The following PRKN variants were observed in gnomAD, a reference collection of about 807,000 sequenced individuals.
PRKN encodes parkin RBR E3 ubiquitin protein ligase.
PRKN carries 56 observed loss-of-function variants against 59.5 expected under a neutral mutation model. The ratio of observed to expected loss-of-function variants is 0.94; its 90% CI spans 0.76 to 1.18. PRKN has a LOEUF of 1.18. Ranked by LOEUF, PRKN falls within the 50% of genes most tolerant of loss-of-function variation. The pLI, the probability that PRKN is intolerant of heterozygous loss-of-function variation, is 0.00. For missense variants in PRKN, 657 were observed against 596.4 expected (o/e 1.10, Z -1.06); for synonymous variants, 250 against 222.1 (o/e 1.13, Z -1.12).
chr6:162,141,379 T>A (rs182922453), intron 4 of PRKN, among the ~76,000 whole-genome samples: 1 of 152,278 alleles, frequency 6.6e-6, no homozygotes, highest in East Asian at 1.9e-4. Flanking sequence ...CCTAATGCTT[T>A]ATTTTTCAAT....
intron 1 of PRKN, among the ~76,000 whole-genome samples, chr6:162,505,220 T>C (rs1482722408): frequency 6.6e-6 from 1 of 152,104 alleles, no homozygotes; most frequent in Non-Finnish European, 1.5e-5. Flanking sequence ...TTTCATATGT[T>C]CAAGTAAACA....
intron 9 of PRKN, among the ~76,000 whole-genome samples, chr6:161,479,831 G>T (rs1231357240): frequency 6.6e-6 from 1 of 152,178 alleles, no homozygotes. Flanking sequence ...TGTGGGGCTG[G>T]TCTCCAACTT....
intron 4 of PRKN, among the ~76,000 whole-genome samples, chr6:162,185,996 G>A (rs1037373243): frequency 3.9e-5 from 6 of 151,904 alleles, no homozygotes; most frequent in African/African-American, 1.5e-4. Context: ...CATGTGGTTT[G>A]AGAGCCCACC....
chr6:161,569,718 C>G (rs1292003728), intron 7 of PRKN, among the ~76,000 whole-genome samples: 1 of 152,184 alleles, frequency 6.6e-6, no homozygotes, highest in African/African-American at 2.4e-5. Flanking sequence ...TTCTTAGAAA[C>G]ATGTTCAGCA....
chr6:161,514,770 C>T (rs1321997602), intron 9 of PRKN, among the ~76,000 whole-genome samples: 1 of 152,048 alleles, frequency 6.6e-6, no homozygotes, highest in Non-Finnish European at 1.5e-5. Context: ...ACCAGGAGAC[C>T]AGAAGGGCTC....
rs1401557326 is a variant in PRKN at position 162,056,201 on chromosome 6, A to T, written c.535-2027T>A. 2.7e-5 allele frequency among the ~76,000 whole-genome samples: 4 copies of T among 150,800 alleles called. No individual in the cohort carries two copies. Among genetic ancestry groups the T allele is most frequent in the Non-Finnish European group, 5.9e-5 (4 of 67,684 alleles). Reference sequence around the variant, plus strand: ...ATGCATAAACACACCACATATGTACATGTGCACATGTATCCCTCACACCCC... The same window carrying T: ...ATGCATAAACACACCACATATGTACTTGTGCACATGTATCCCTCACACCCC... On this transcript the variant is annotated intron_variant, in intron 4 of 11. Transcript: ENST00000366898. The surrounding 1 kb of genome is among the most constrained non-coding windows in gnomAD (Gnocchi z 4.9).
At chr6:162,216,479 G>A (rs1047247548) in intron 3 of PRKN, among the ~76,000 whole-genome samples, 1 of 138,934 alleles carries the variant, frequency 7.2e-6, no homozygotes, top group African/African-American at 2.7e-5. Context: ...GCAGTGAGCC[G>A]AGATTGCGCC....
chr6:161,955,383 T>G (rs1002258783), intron 6 of PRKN, among the ~76,000 whole-genome samples: 15 of 152,316 alleles, frequency 9.8e-5, no homozygotes, highest in African/African-American at 3.1e-4. Flanking sequence ...TATATCTAGA[T>G]TCTTGCCTCA....
chr6:162,538,438 A>C (rs1264570526), intron 1 of PRKN, among the ~76,000 whole-genome samples: 1 of 152,070 alleles, frequency 6.6e-6, no homozygotes, highest in Non-Finnish European at 1.5e-5. Context: ...AGAAGTATCT[A>C]AATACCTAAA....
chr6:162,301,264 G>A (rs1332974590), intron 2 of PRKN, among the ~76,000 whole-genome samples: 2 of 152,112 alleles, frequency 1.3e-5, no homozygotes, highest in African/African-American at 4.8e-5. Flanking sequence ...GAGAAGACCA[G>A]ATTCCAGGCC....
At chr6:161,778,828 C>T (rs565785029) in intron 7 of PRKN, among the ~76,000 whole-genome samples, 1 of 152,340 alleles carries the variant, frequency 6.6e-6, no homozygotes, top group African/African-American at 2.4e-5. Context: ...GGCATGGACT[C>T]TGAAGCCTTC....
chr6:161,449,758 G>A (rs750408116), intron 9 of PRKN, among the ~76,000 whole-genome samples: 74 of 152,154 alleles, frequency 4.9e-4, no homozygotes, highest in African/African-American at 1.6e-3. Flanking sequence ...CTAGACTTCC[G>A]TAACCAGCCA....
chr6:161,598,252 A>C (rs1781985669), intron 7 of PRKN, among the ~76,000 whole-genome samples: 1 of 152,194 alleles, frequency 6.6e-6, no homozygotes, highest in African/African-American at 2.4e-5. Flanking sequence ...ACAAACTCAT[A>C]AGCCATAAAC....
intron 1 of PRKN, among the ~76,000 whole-genome samples, chr6:162,450,235 C>T (rs1175501093): frequency 6.6e-6 from 1 of 151,670 alleles, no homozygotes; most frequent in African/African-American, 2.4e-5. Context: ...GCCCCTGTGA[C>T]AGTAAATCCC....
intron 7 of PRKN, among the ~76,000 whole-genome samples, chr6:161,587,098 C>G (rs1329417183): frequency 3.3e-5 from 5 of 152,176 alleles, no homozygotes; most frequent in Non-Finnish European, 5.9e-5. Flanking sequence ...TAAAAACACT[C>G]TCAGATTAAC....
At chr6:161,901,271 C>A (rs574074662) in intron 6 of PRKN, among the ~76,000 whole-genome samples, 2 of 152,002 alleles carry the variant, frequency 1.3e-5, no homozygotes, top group Non-Finnish European at 2.9e-5. Flanking sequence ...AGTAAAAAAG[C>A]AGTTTGGATC....
chr6:161,427,080 G>A (rs780793884), intron 9 of PRKN, among the ~76,000 whole-genome samples: 10 of 152,038 alleles, frequency 6.6e-5, no homozygotes, highest in East Asian at 3.9e-4. Flanking sequence ...GTGCAGTGGC[G>A]TGATCATAGC....
intron 7 of PRKN, among the ~76,000 whole-genome samples, chr6:161,776,598 C>A (rs1157572825): frequency 2.0e-5 from 3 of 152,150 alleles, no homozygotes; most frequent in African/African-American, 7.2e-5. Context: ...AATATTTAAA[C>A]GTGGGAACTT....
intron 6 of PRKN, among the ~76,000 whole-genome samples, chr6:161,793,149 A>G (rs1790706202): frequency 6.6e-6 from 1 of 152,186 alleles, no homozygotes; most frequent in Non-Finnish European, 1.5e-5. Context: ...TAATTGATAG[A>G]CTCAACTTTT....
Sources: gnomAD v4.1 joint callset for allele counts (sites outside exome capture counted in the v4.1 genomes callset) on GRCh38, gnomAD v4.1.1 for gene constraint, Gnocchi (gnomAD v3.1) non-coding constraint, MANE v1.5 for transcripts, NCBI Gene and HGNC (gene_info 2026-07-23, HGNC 2026-07-21) for gene names.